Variants in EPHA10 observed in about 807,000 individuals in gnomAD.
EPHA10 encodes EPH receptor A10.
A neutral mutation model predicts 109.7 loss-of-function variants in EPHA10; 120 were observed. The ratio of observed to expected loss-of-function variants is 1.09; its 90% confidence interval spans 0.94 to 1.27. The LOEUF (loss-of-function observed/expected upper bound fraction) is 1.27. EPHA10 is among the 50% of genes most tolerant of loss of function. The pLI, the probability that EPHA10 is intolerant of heterozygous loss-of-function variation, is 0.00. For missense variants in EPHA10, 1,396 were observed against 1,411.1 expected (o/e 0.99, Z 0.17); for synonymous variants, 640 against 618.9 (o/e 1.03, Z -0.51).
At chr1:37,736,476 C>CAAAAAA (rs543417433) in intron 5 of EPHA10, among the ~76,000 whole-genome samples, 23 of 57,822 alleles carry the variant, frequency 4.0e-4, no homozygotes, top group South Asian at 5.6e-4. Context: ...AATTCTGTCT[C>CAAAAAA]AAAAAAAAAA....
intron 2 of EPHA10, 86 bp downstream of exon 2, chr1:37,762,699 T>C: frequency 8.0e-7 from 1 of 1,252,366 alleles, no homozygotes; most frequent in Non-Finnish European, 1.1e-6. Context: ...AGCACTTTTG[T>C]CTGATGTAAA....
Position 37,735,335 on chromosome 1 carries a change from G to A in EPHA10, c.1413C>T (p.Ser471=). The part of the protein sequence containing the change: ...RRDRVEPQSV[S]LSWREPIPAG... ...CAGGGATGGGCTCCCGCCACGACAG[G>A]GACACGCTCTGGGGTTCCACTCGGT... is the stretch of plus-strand genomic sequence containing the variant. Residue 471 remains serine, a synonymous_variant, in exon 6 of 17, where the codon TCC becomes TCT. Transcript: ENST00000373048. 5 of 1,575,272 alleles carry A rather than the reference G, an allele frequency of 3.2e-6. No individual in the cohort carries two copies. The highest frequency in any genetic ancestry group is 4.3e-6 in the Non-Finnish European group (5 of 1,160,408).
rs1645760462 is a variant in EPHA10 at position 37,719,946 on chromosome 1, A to G, written c.2525T>C (p.Phe842Ser). 1.2e-6 allele frequency: 2 copies of G among 1,614,040 alleles called. No homozygotes were observed. The highest frequency in any genetic ancestry group is 1.6e-4 in the Middle Eastern group (1 of 6,062). Reference protein sequence around the residue: ...FGIIMWEVMAFGERPYWDMSG... With the variant: ...FGIIMWEVMASGERPYWDMSG... Reference sequence around the variant, plus strand: ...CATGTCCCAGTAAGGCCGCTCCCCAAAGGCCATCACCTCCCACATGATGAT... The same window carrying G: ...CATGTCCCAGTAAGGCCGCTCCCCAGAGGCCATCACCTCCCACATGATGAT... Residue 842 changes from phenylalanine to serine, a missense_variant, in exon 14 of 17, where the codon TTT (phenylalanine) becomes TCT (serine). Coordinates refer to ENST00000373048, the MANE Select transcript of EPHA10 (RefSeq NM_001099439.2).
chr1:37,759,339 G>C (rs1388893213), intron 3 of EPHA10, among the ~76,000 whole-genome samples: 2 of 151,896 alleles, frequency 1.3e-5, no homozygotes, highest in Non-Finnish European at 2.9e-5. Flanking sequence ...TAGTTACATA[G>C]GCCCAGCCAT....
At chr1:37,746,593 G>A (rs1646245904) in intron 5 of EPHA10, among the ~76,000 whole-genome samples, 2 of 151,990 alleles carry the variant, frequency 1.3e-5, no homozygotes, top group Admixed American at 6.6e-5. Flanking sequence ...CTACTCCTAG[G>A]TATATAGCCA....
At chr1:37,748,174 C>T (rs928475707) in intron 5 of EPHA10, among the ~76,000 whole-genome samples, 5 of 152,024 alleles carry the variant, frequency 3.3e-5, no homozygotes, top group Admixed American at 6.6e-5. Flanking sequence ...GCCTGATCAA[C>T]GTGGTGAAAT....
Position 37,735,268 on chromosome 1 carries a change from A to ATCGGATC in EPHA10, c.1473_1479dup (p.Tyr494AspfsTer10), listed in dbSNP as rs746798269. ...AGACACGCACTCACCTTCTCGTAGT[A>ATCGGATC]TCGGATCTCGTACTCCGTGTCATTG... On this transcript the variant is annotated frameshift_variant, in exon 6 of 17. Coordinates refer to ENST00000373048, the MANE Select transcript of EPHA10 (RefSeq NM_001099439.2). LOFTEE classifies it high-confidence loss of function. 14 of 1,566,720 alleles carry ATCGGATC rather than the reference A, an allele frequency of 8.9e-6. No individual in the cohort carries two copies. Among genetic ancestry groups the ATCGGATC allele is most frequent in the Non-Finnish European group, 1.2e-5 (14 of 1,155,832 alleles).
At chr1:37,759,706 C>A (rs190468946) in intron 3 of EPHA10, among the ~76,000 whole-genome samples, 1 of 152,034 alleles carries the variant, frequency 6.6e-6, no homozygotes, top group Admixed American at 6.6e-5. Context: ...ATGCTTGAAA[C>A]CAAGAACTCC....
At chr1:37,726,106 GGCTT>G (rs1223085864) in intron 8 of EPHA10, among the ~76,000 whole-genome samples, 7 of 152,220 alleles carry the variant, frequency 4.6e-5, no homozygotes, top group Admixed American at 2.0e-4. Context: ...AGGGGCTCTT[GGCTT>G]GCTTGTCTCC....
Position 37,716,076 on chromosome 1 carries a change from G to C in EPHA10, c.*2296C>G. ...ACTGGCCCCCTCCCTCCCAGGGTGAGCTCAGACCAGGGTAATGGGGGCTTG... is the reference window on the plus strand; with the variant it reads ...ACTGGCCCCCTCCCTCCCAGGGTGACCTCAGACCAGGGTAATGGGGGCTTG... On this transcript the variant is annotated 3_prime_UTR_variant, in exon 17 of 17. Transcript: ENST00000373048. The C allele has an allele frequency of 4.0e-6, 2 of 503,984 alleles. No individual in the cohort carries two copies. The highest frequency in any genetic ancestry group is 7.5e-6 in the Non-Finnish European group (2 of 266,916). 31.2% of individuals were successfully genotyped at this position (503,984 alleles called of 1,614,324 possible).
chr1:37,732,500 C>T (rs1051684545), intron 6 of EPHA10, among the ~76,000 whole-genome samples: 10 of 152,192 alleles, frequency 6.6e-5, no homozygotes, highest in African/African-American at 2.4e-4. Flanking sequence ...CCATAGCATT[C>T]AGGAACTGGG....
intron 5 of EPHA10, among the ~76,000 whole-genome samples, chr1:37,744,769 CA>C (rs751885117): frequency 5.7e-5 from 4 of 69,654 alleles, no homozygotes; most frequent in Non-Finnish European, 1.3e-4. Context: ...ATGTATCTGA[CA>C]AGGTTTGTAT....
chr1:37,719,032 G>T lies in EPHA10; in HGVS notation c.2757-216C>A, dbSNP rs958034866. On this transcript the variant is annotated intron_variant, in intron 15 of 16. Transcript: ENST00000373048. ...GAGGCAGAGCCAGCGCCAGCTAAAG[G>T]TATTGGCGTATCCGGAACAGTCTGG... 2.2e-5 allele frequency: 14 copies of T among 643,034 alleles called. No homozygotes were observed. The East Asian group carries it at 3.6e-4, about 16-fold the overall frequency. The allele number at this position is 643,034 out of a possible 1,614,324, so 39.8% of individuals were successfully genotyped here.
intron 11 of EPHA10, among the ~76,000 whole-genome samples, chr1:37,721,255 T>TAAAAA (rs71732142): frequency 1.8e-5 from 2 of 113,558 alleles, no homozygotes; most frequent in African/African-American, 3.3e-5. Flanking sequence ...CCGTCTCTAC[T>TAAAAA]AAAAAAAAAA....
At chr1:37,746,808 C>T (rs551148832) in intron 5 of EPHA10, among the ~76,000 whole-genome samples, 4 of 152,260 alleles carry the variant, frequency 2.6e-5, no homozygotes, top group Admixed American at 2.0e-4. Context: ...AGTACTGATA[C>T]GTGCTACAAT....
intron 11 of EPHA10, among the ~76,000 whole-genome samples, chr1:37,721,065 G>A (rs768126817): frequency 6.6e-6 from 1 of 152,010 alleles, no homozygotes; most frequent in Non-Finnish European, 1.5e-5. Context: ...GCTGCAACAA[G>A]CTTGCTAAGA....
chr1:37,717,141 G>C lies in EPHA10; in HGVS notation c.*1231C>G, dbSNP rs952328945. 4.4e-6 allele frequency: 1 copy of C among 227,584 alleles called. No individual in the cohort carries two copies. The highest frequency in any genetic ancestry group is 2.2e-5 in the African/African-American group (1 of 45,028). The allele number at this position is 227,584 out of a possible 1,614,324, so 14.1% of individuals were successfully genotyped here. A position where few individuals can be genotyped will look rare whatever the true frequency, so the allele number is the denominator to read the frequency against. On this transcript the variant is annotated 3_prime_UTR_variant, in exon 17 of 17. Transcript: ENST00000373048. ...TCCAGCTGCCTTCCTGCCACCCTACGAAAGCTCTGGCATACTGGGCCCCAC... is the reference window on the plus strand; with the variant it reads ...TCCAGCTGCCTTCCTGCCACCCTACCAAAGCTCTGGCATACTGGGCCCCAC...
intron 5 of EPHA10, among the ~76,000 whole-genome samples, chr1:37,746,457 C>G (rs945774614): frequency 2.6e-5 from 4 of 152,110 alleles, no homozygotes; most frequent in Non-Finnish European, 4.4e-5. Flanking sequence ...ACCCTTATAT[C>G]TCATTTAACC....
intron 5 of EPHA10, among the ~76,000 whole-genome samples, chr1:37,743,221 T>C (rs617911): frequency 0.34 from 51,706 of 151,880 alleles, 8,868 homozygotes; most frequent in East Asian, 0.48. Context: ...AGGAACATTA[T>C]TCTGAAGACT....
Sources: allele counts gnomAD v4.1 joint callset (sites outside exome capture counted in the v4.1 genomes callset), GRCh38; gene constraint gnomAD v4.1.1; transcripts MANE v1.5; gene names NCBI Gene and HGNC (gene_info 2026-07-23, HGNC 2026-07-21).